The following SPOCK3 variants were observed in gnomAD, a reference collection of about 807,000 sequenced individuals.
SPOCK3 encodes the protein testican-3.
In SPOCK3, 30 loss-of-function variants were observed where a neutral mutation model predicts 56.6. The observed-to-expected ratio is 0.53, with a 90% CI of 0.40 to 0.72. The LOEUF is 0.72. Ranked by LOEUF, SPOCK3 falls within the 30% of genes least tolerant of loss-of-function variation. SPOCK3 has a pLI of 0.00. For synonymous variants in SPOCK3, 196 were observed against 183.3 expected (o/e 1.07, Z -0.56); for missense variants, 527 against 530.0 (o/e 0.99, Z 0.06).
chr4:167,189,618 T>C (rs1561305511), intron 2 of SPOCK3, among the ~76,000 whole-genome samples: 2 of 144,420 alleles, frequency 1.4e-5, no homozygotes, highest in African/African-American at 2.6e-5. Flanking sequence ...ATAGCTACCA[T>C]TGTGTGTGTG....
At chr4:166,920,498 C>T (rs17052672) in intron 4 of SPOCK3, among the ~76,000 whole-genome samples, 9,467 of 152,166 alleles carry the variant, frequency 0.062, 755 homozygotes, top group African/African-American at 0.19. Context: ...ATAAGCAAAA[C>T]AAGCTTTCAA....
At chr4:166,949,766 G>T (rs979572294) in intron 4 of SPOCK3, among the ~76,000 whole-genome samples, 22 of 152,246 alleles carry the variant, frequency 1.4e-4, no homozygotes, top group Non-Finnish European at 2.6e-4. Flanking sequence ...CCAGAAGAGA[G>T]TGGGGGCCAA....
chr4:167,040,203 C>T (rs1162391097), intron 3 of SPOCK3, among the ~76,000 whole-genome samples: 2 of 152,072 alleles, frequency 1.3e-5, no homozygotes, highest in African/African-American at 4.8e-5. Flanking sequence ...ACACAAACAA[C>T]CCCACTGCAG....
At chr4:167,048,878 T>G (rs1753948085) in intron 3 of SPOCK3, among the ~76,000 whole-genome samples, 2 of 152,170 alleles carry the variant, frequency 1.3e-5, no homozygotes, top group Non-Finnish European at 2.9e-5. Flanking sequence ...TAGATACATA[T>G]GTGGGGGCAG....
At chr4:167,047,298 G>A (rs1000781661) in intron 3 of SPOCK3, among the ~76,000 whole-genome samples, 1 of 152,120 alleles carries the variant, frequency 6.6e-6, no homozygotes, top group Non-Finnish European at 1.5e-5. Flanking sequence ...GTAGAGAGAA[G>A]TTATACTAAG....
chr4:166,875,863 G>A (rs1733024399), intron 6 of SPOCK3, among the ~76,000 whole-genome samples: 1 of 152,196 alleles, frequency 6.6e-6, no homozygotes, highest in Non-Finnish European at 1.5e-5. Context: ...AATTTGGTCA[G>A]TAATTGAAAC....
intron 2 of SPOCK3, among the ~76,000 whole-genome samples, chr4:167,077,013 G>A (rs1209297395): frequency 6.6e-6 from 1 of 151,776 alleles, no homozygotes; most frequent in Non-Finnish European, 1.5e-5. Context: ...ACTATGCATG[G>A]AATTGAGTTG....
At chr4:166,834,026 C>T (rs984999536) in intron 6 of SPOCK3, among the ~76,000 whole-genome samples, 2 of 152,148 alleles carry the variant, frequency 1.3e-5, no homozygotes, top group Non-Finnish European at 2.9e-5. Context: ...AGAGCAAAAA[C>T]GTTTTCCTTC....
At chr4:166,919,071 A>G (rs79122584) in intron 4 of SPOCK3, among the ~76,000 whole-genome samples, 6,920 of 152,266 alleles carry the variant, frequency 0.045, 575 homozygotes, top group East Asian at 0.4. Flanking sequence ...TTGGAGAACC[A>G]TCAGACAAAT....
chr4:167,096,334 A>C (rs557879738), intron 2 of SPOCK3, among the ~76,000 whole-genome samples: 1 of 152,048 alleles, frequency 6.6e-6, no homozygotes, highest in East Asian at 1.9e-4. Flanking sequence ...GAATTTTTCT[A>C]AGGTGTAAAC....
intron 7 of SPOCK3, among the ~76,000 whole-genome samples, chr4:166,788,650 T>C (rs2126642580): frequency 6.6e-6 from 1 of 151,786 alleles, no homozygotes; most frequent in Admixed American, 6.6e-5. Flanking sequence ...ATCCACCTCA[T>C]AATTATAGCT....
At chr4:166,742,984 C>A (rs754807836) in intron 8 of SPOCK3, among the ~76,000 whole-genome samples, 1 of 151,996 alleles carries the variant, frequency 6.6e-6, no homozygotes, top group African/African-American at 2.4e-5. Context: ...GATGTGCGTA[C>A]GTTATATGTC....
intron 3 of SPOCK3, among the ~76,000 whole-genome samples, chr4:167,001,097 C>T (rs949395581): frequency 2.0e-5 from 3 of 152,118 alleles, no homozygotes; most frequent in Admixed American, 6.6e-5. Context: ...GAAATGTCGA[C>T]GGTTTCATTT....
At chr4:167,069,030 A>G (rs976307949) in intron 2 of SPOCK3, among the ~76,000 whole-genome samples, 7 of 151,978 alleles carry the variant, frequency 4.6e-5, no homozygotes, top group Admixed American at 2.6e-4. Context: ...CTAGAGATAA[A>G]GAATCCAAAG....
intron 2 of SPOCK3, among the ~76,000 whole-genome samples, chr4:167,198,096 G>A (rs1456959163): frequency 6.6e-6 from 1 of 152,106 alleles, no homozygotes; most frequent in African/African-American, 2.4e-5. Context: ...AATATAGCTG[G>A]AATCAGATTA....
chr4:167,141,683 A>G lies in SPOCK3; in HGVS notation c.190-79146T>C, dbSNP rs78246689. On this transcript the variant is annotated intron_variant, in intron 2 of 10. Transcript: ENST00000357545. ...AAGTAGAGCAAAAAGATAGCAATGGAAAATAGGAAAGAAAAGATCAGTAAA... is the reference window on the plus strand; with the variant it reads ...AAGTAGAGCAAAAAGATAGCAATGGGAAATAGGAAAGAAAAGATCAGTAAA... Among the ~76,000 whole-genome samples, 1,080 of 152,168 alleles carry G rather than the reference A, an allele frequency of 7.1e-3. 16 individuals are homozygous for G. Among genetic ancestry groups the G allele is most frequent in the African/African-American group, 0.024 (1,001 of 41,536 alleles).
intron 3 of SPOCK3, among the ~76,000 whole-genome samples, chr4:167,059,911 C>T (rs1296577284): frequency 1.3e-5 from 2 of 151,470 alleles, no homozygotes; most frequent in Admixed American, 1.3e-4. Context: ...AACAAAAAAC[C>T]AAACACCGCA....
intron 6 of SPOCK3, among the ~76,000 whole-genome samples, chr4:166,842,935 A>G (rs1057333889): frequency 8.5e-5 from 13 of 152,170 alleles, no homozygotes; most frequent in African/African-American, 3.1e-4. Flanking sequence ...CCCCACAGTC[A>G]GGCATGGCAG....
chr4:167,102,983 A>G (rs1315867702), intron 2 of SPOCK3, among the ~76,000 whole-genome samples: 1 of 149,296 alleles, frequency 6.7e-6, no homozygotes, highest in Non-Finnish European at 1.5e-5. Flanking sequence ...GAAAAGGGGG[A>G]AGAGTAAAGA....
Sources: allele counts gnomAD v4.1 joint callset (sites outside exome capture counted in the v4.1 genomes callset), GRCh38; gene constraint gnomAD v4.1.1; transcripts MANE v1.5; gene names NCBI Gene and HGNC (gene_info 2026-07-23, HGNC 2026-07-21).